The following ITPRID1 variants were observed in gnomAD, a reference collection of about 807,000 sequenced individuals.
The protein encoded by ITPRID1 is protein ITPRID1.
A neutral mutation model predicts 95.4 loss-of-function variants in ITPRID1; 96 were observed. The ratio of observed to expected loss-of-function variants is 1.01; its 90% CI spans 0.85 to 1.19. ITPRID1 has a LOEUF of 1.19. ITPRID1 is among the 50% of genes most tolerant of loss of function. The pLI is 0.00. For synonymous variants in ITPRID1, 510 were observed against 453.6 expected (o/e 1.12, Z -1.58); for missense variants, 1,339 against 1,252.9 (o/e 1.07, Z -1.04).
intron 1 of ITPRID1, among the ~76,000 whole-genome samples, chr7:31,523,240 A>G (rs1783323710): frequency 6.6e-6 from 1 of 152,364 alleles, no homozygotes; most frequent in East Asian, 1.9e-4. Flanking sequence ...CTTACTAATC[A>G]AAGAAGAATT....
chr7:31,553,350 C>G (rs901813693), intron 3 of ITPRID1, among the ~76,000 whole-genome samples, 163 bp downstream of exon 3: 1 of 152,210 alleles, frequency 6.6e-6, no homozygotes, highest in African/African-American at 2.4e-5. Context: ...ATGGGCACTT[C>G]TGACTTCTGC....
chr7:31,517,534 C>T (rs907663091), intron 1 of ITPRID1: 7 of 153,330 alleles, frequency 4.6e-5, no homozygotes, highest in African/African-American at 1.2e-4. Context: ...CCAACGACCC[C>T]ACGAAGAGGG....
intron 7 of ITPRID1, among the ~76,000 whole-genome samples, 171 bp downstream of exon 7, chr7:31,572,359 T>A (rs1785022121): frequency 1.3e-5 from 2 of 152,128 alleles, no homozygotes; most frequent in South Asian, 4.1e-4. Flanking sequence ...TTAATAAAAT[T>A]GGAAACAGAC....
rs113366472 is a variant in ITPRID1 at position 31,573,720 on chromosome 7, A to T, written c.396-820A>T. On this transcript the variant is annotated intron_variant, in intron 7 of 14. Coordinates refer to ENST00000615280, the MANE Select transcript of ITPRID1 (RefSeq NM_001257967.3). ...GTCTCCTGGGTTAGCTCAGTAACTT[A>T]GGCAAAGTTCAGACATGAATTGGCA... 1.6e-3 allele frequency among the ~76,000 whole-genome samples: 247 copies of T among 152,018 alleles called. 1 individual carries two copies. The highest frequency in any genetic ancestry group is 5.7e-3 in the African/African-American group (235 of 41,550).
chr7:31,658,454 G>A, downstream of ITPRID1: 9 of 1,375,340 alleles, frequency 6.5e-6, no homozygotes, highest in Non-Finnish European at 8.5e-6. Context: ...GAACAAAATA[G>A]AACATTTGTA....
At chr7:31,578,567 T>G (rs1785282925) in intron 9 of ITPRID1, 133 bp downstream of exon 9, 2 of 660,664 alleles carry the variant, frequency 3.0e-6, no homozygotes, top group African/African-American at 3.6e-5. Context: ...TGAGTCAGTT[T>G]AGTGATTTAA....
intron 3 of ITPRID1, among the ~76,000 whole-genome samples, chr7:31,553,446 C>T (rs1437122957): frequency 1.3e-5 from 2 of 152,190 alleles, no homozygotes; most frequent in Non-Finnish European, 2.9e-5. Context: ...AAACATCCCT[C>T]ATCCTAAGTT....
intron 10 of ITPRID1, among the ~76,000 whole-genome samples, chr7:31,611,249 C>T (rs1355279731): frequency 6.6e-6 from 1 of 151,514 alleles, no homozygotes; most frequent in African/African-American, 2.4e-5. Flanking sequence ...ATTTCCTCCT[C>T]CCTCCTTTGC....
intron 10 of ITPRID1, among the ~76,000 whole-genome samples, chr7:31,628,746 G>A (rs1335435547): frequency 2.0e-5 from 3 of 152,094 alleles, no homozygotes; most frequent in East Asian, 1.9e-4. Context: ...TTGAGCCACC[G>A]CGCCCGGCCT....
intron 1 of ITPRID1, among the ~76,000 whole-genome samples, chr7:31,541,678 G>T (rs1271266248): frequency 6.6e-6 from 1 of 152,022 alleles, no homozygotes; most frequent in Admixed American, 6.6e-5. Context: ...ATGTGACAAT[G>T]CTTCCTGTAT....
intron 1 of ITPRID1, among the ~76,000 whole-genome samples, chr7:31,517,150 C>T (rs2128125689): frequency 6.6e-6 from 1 of 152,286 alleles, no homozygotes; most frequent in Middle Eastern, 3.4e-3. Context: ...GTTCGGGTGG[C>T]CTGCTTTTAT....
At chr7:31,598,398 CTTTTTTTT>C (rs869161999) in intron 10 of ITPRID1, among the ~76,000 whole-genome samples, 1 of 106,830 alleles carries the variant, frequency 9.4e-6, no homozygotes, top group African/African-American at 3.7e-5. Context: ...TTTTTTTTTT[CTTTTTTTT>C]TTTTTTTTTT....
intron 5 of ITPRID1, among the ~76,000 whole-genome samples, chr7:31,559,364 A>G (rs113458990): frequency 6.6e-6 from 1 of 152,114 alleles, no homozygotes; most frequent in Admixed American, 6.6e-5. Flanking sequence ...TTGTATAGAA[A>G]CACTCATATT....
At chr7:31,576,202 G>T (rs1013895837) in intron 8 of ITPRID1, among the ~76,000 whole-genome samples, 1 of 152,204 alleles carries the variant, frequency 6.6e-6, no homozygotes, top group Non-Finnish European at 1.5e-5. Flanking sequence ...CAAGGAAGCA[G>T]AGAAGGTCAA....
At position 31,558,003 on chromosome 7, in the gene ITPRID1, T is replaced by G. The variant is rs181688730; in HGVS notation, c.256+3102T>G. On this transcript the variant is annotated intron_variant, in intron 5 of 14. Coordinates refer to ENST00000615280, the MANE Select transcript of ITPRID1 (RefSeq NM_001257967.3). ...GGGACTTTTGATAGGTAATTAGGTC[T>G]TGAGGACTCTGCCTTTATGAATGGT... Among the ~76,000 whole-genome samples the G allele has an allele frequency of 2.4e-3, 362 of 152,330 alleles. 1 individual carries two copies. The highest frequency in any genetic ancestry group is 8.2e-3 in the African/African-American group (340 of 41,578).
At chr7:31,554,994 C>T in intron 5 of ITPRID1, 93 bp downstream of exon 5, 2 of 949,678 alleles carry the variant, frequency 2.1e-6, no homozygotes, top group South Asian at 1.5e-5. Context: ...TGAGCATTAT[C>T]AGAGGCTTCT....
At position 31,574,727 on chromosome 7, in the gene ITPRID1, A is replaced by T. The variant is rs768010580; in HGVS notation, c.583A>T (p.Asn195Tyr). 5.6e-6 allele frequency: 9 copies of T among 1,613,670 alleles called. No homozygotes were observed. Among genetic ancestry groups the T allele is most frequent in the Non-Finnish European group, 5.1e-6 (6 of 1,179,804 alleles). ...TCAAAAGCAGCGAATGGACATTGAG[A>T]ACCCCAACTTGTACGGTAAGCGAGG... The part of the protein sequence containing the change: ...EAQKQRMDIE[N>Y]PNLYGRFRQL... The change falls in exon 8 of 15, where the codon AAC becomes TAC. Residue 195 changes from asparagine to tyrosine, a missense_variant. Transcript: ENST00000615280.
At chr7:31,583,083 G>A in intron 9 of ITPRID1, 51 bp from the exon 10 acceptor site, 2 of 1,324,394 alleles carry the variant, frequency 1.5e-6, no homozygotes, top group Non-Finnish European at 2.2e-6. Flanking sequence ...TAAAATAAGT[G>A]AATTTATTTG....
intron 10 of ITPRID1, among the ~76,000 whole-genome samples, chr7:31,639,246 T>C (rs75926307): frequency 0.3 from 45,713 of 152,104 alleles, 7,330 homozygotes; most frequent in East Asian, 0.54. Flanking sequence ...ACTTGTCTCA[T>C]CACTTGCTGA....
Sources: allele counts gnomAD v4.1 joint callset (sites outside exome capture counted in the v4.1 genomes callset), GRCh38; gene constraint gnomAD v4.1.1; transcripts MANE v1.5; gene names NCBI Gene and HGNC (gene_info 2026-07-23, HGNC 2026-07-21).